ATF7IP: variants seen among roughly 807,000 people sequenced by gnomAD.
The protein encoded by ATF7IP is activating transcription factor 7-interacting protein 1.
ATF7IP carries 23 observed loss-of-function variants against 106.4 expected under a neutral mutation model. The observed-to-expected ratio is 0.22, with a 90% confidence interval of 0.16 to 0.31. The LOEUF (loss-of-function observed/expected upper bound fraction) is 0.31. Ranked by LOEUF, ATF7IP falls within the 10% of genes least tolerant of loss-of-function variation. The pLI is 1.00. For missense variants in ATF7IP, 1,334 were observed against 1,524.3 expected (o/e 0.88, Z 2.08); for synonymous variants, 542 against 539.0 (o/e 1.01, Z -0.08).
At chr12:14,410,591 TAATAA>T (rs914661549) in intron 1 of ATF7IP, among the ~76,000 whole-genome samples, 1 of 152,164 alleles carries the variant, frequency 6.6e-6, no homozygotes, top group East Asian at 1.9e-4. Context: ...ATTTTTGACT[TAATAA>T]AGGAAAGAAA....
intron 9 of ATF7IP, among the ~76,000 whole-genome samples, chr12:14,464,900 T>G (rs1325696470): frequency 2.6e-5 from 4 of 152,198 alleles, no homozygotes; most frequent in African/African-American, 9.6e-5. Flanking sequence ...GGAATTTTCT[T>G]ATATGAAAAT....
chr12:14,412,961 C>T (rs1941003438), intron 1 of ATF7IP, among the ~76,000 whole-genome samples: 1 of 152,232 alleles, frequency 6.6e-6, no homozygotes, highest in Non-Finnish European at 1.5e-5. Flanking sequence ...CTACAGTGAT[C>T]TGAGATTGTG....
At chr12:14,416,964 T>G in intron 1 of ATF7IP, 3 of 984,950 alleles carry the variant, frequency 3.0e-6, no homozygotes, top group Non-Finnish European at 3.6e-6. Context: ...TTTGAAAAAT[T>G]ACAAGGTTCA....
chr12:14,464,515 T>A (rs1041611932), intron 9 of ATF7IP, among the ~76,000 whole-genome samples: 1 of 152,246 alleles, frequency 6.6e-6, no homozygotes, highest in Non-Finnish European at 1.5e-5. Flanking sequence ...TTATTTGTAT[T>A]TTTATGGAGA....
At chr12:14,432,855 C>T (rs527781506) in intron 2 of ATF7IP, among the ~76,000 whole-genome samples, 10 of 152,034 alleles carry the variant, frequency 6.6e-5, no homozygotes, top group South Asian at 4.2e-4. Context: ...GTTGCAATGA[C>T]GTAAGGGGGA....
At chr12:14,392,084 T>A (rs1027992969) in intron 1 of ATF7IP, among the ~76,000 whole-genome samples, 1 of 152,188 alleles carries the variant, frequency 6.6e-6, no homozygotes, top group Non-Finnish European at 1.5e-5. Flanking sequence ...GTTTTTCTTG[T>A]TTTTAAAATG....
rs555832524 is a variant in ATF7IP, at chr12:14,457,945, T to C, written c.2158+650T>C. Among the ~76,000 whole-genome samples the C allele has an allele frequency of 3.3e-5, 5 of 151,732 alleles. No homozygotes were observed. The East Asian group carries it at 9.7e-4, about 29-fold the overall frequency. ...CCCCATCTCTACCAAAATACAAAAATTATCCAGGCATGATGGCTGGTGCCT... is the reference window on the plus strand; with the variant it reads ...CCCCATCTCTACCAAAATACAAAAACTATCCAGGCATGATGGCTGGTGCCT... On this transcript the variant is annotated intron_variant, in intron 8 of 14. Transcript: ENST00000261168.
At chr12:14,391,807 C>T (rs759466625) in intron 1 of ATF7IP, among the ~76,000 whole-genome samples, 31 of 152,176 alleles carry the variant, frequency 2.0e-4, no homozygotes, top group Middle Eastern at 3.2e-3. Flanking sequence ...CTTCAACCTC[C>T]GCCTCCCAGG....
At chr12:14,426,759 G>A (rs1194063699) in intron 2 of ATF7IP, among the ~76,000 whole-genome samples, 3 of 145,808 alleles carry the variant, frequency 2.1e-5, no homozygotes, top group Non-Finnish European at 4.5e-5. Flanking sequence ...CTGGGTGGTC[G>A]AGGCTGCAGT....
chr12:14,388,646 C>T (rs1939380786), intron 1 of ATF7IP, among the ~76,000 whole-genome samples: 1 of 152,014 alleles, frequency 6.6e-6, no homozygotes, highest in African/African-American at 2.4e-5. Flanking sequence ...TGCGCCCAGC[C>T]TTCTTTCTTT....
intron 10 of ATF7IP, among the ~76,000 whole-genome samples, chr12:14,473,199 C>T (rs1944118947): frequency 6.7e-6 from 1 of 148,906 alleles, no homozygotes; most frequent in Non-Finnish European, 1.5e-5. Flanking sequence ...TTTCTGTGTA[C>T]CTTCTTTCCT....
intron 1 of ATF7IP, among the ~76,000 whole-genome samples, chr12:14,396,004 C>T (rs887514904): frequency 4.6e-5 from 7 of 151,954 alleles, no homozygotes; most frequent in African/African-American, 1.7e-4. Flanking sequence ...TAATCTACTA[C>T]CATTGCTGTA....
rs377020921 is a variant in ATF7IP at position 14,435,607 on chromosome 12, G to C, written c.1646-499G>C. On this transcript the variant is annotated intron_variant, in intron 3 of 14. Coordinates refer to ENST00000261168, the MANE Select transcript of ATF7IP (RefSeq NM_018179.5). ...TTTATTTTTATTTGAAATTCATTAG[G>C]ATATGTTAAGAATAACTATTACTGT... Among the ~76,000 whole-genome samples the C allele has an allele frequency of 4.6e-5, 7 of 152,080 alleles. No homozygotes were observed. The East Asian group carries it at 7.7e-4, about 17-fold the overall frequency.
At chr12:14,383,696 G>A (rs1939091286) in intron 1 of ATF7IP, among the ~76,000 whole-genome samples, 1 of 152,114 alleles carries the variant, frequency 6.6e-6, no homozygotes, top group African/African-American at 2.4e-5. Flanking sequence ...GGAACTACAG[G>A]TTCATATTAC....
At chr12:14,384,758 C>A (rs1166253772) in intron 1 of ATF7IP, among the ~76,000 whole-genome samples, 1 of 151,492 alleles carries the variant, frequency 6.6e-6, no homozygotes, top group Non-Finnish European at 1.5e-5. Flanking sequence ...TGGAGAAAAT[C>A]TTTAGCCTTC....
chr12:14,445,442 G>C (rs1942914620), intron 5 of ATF7IP, among the ~76,000 whole-genome samples: 1 of 148,444 alleles, frequency 6.7e-6, no homozygotes, highest in African/African-American at 2.5e-5. Context: ...CGCCCACCTT[G>C]GCCTTCCAGA....
chr12:14,489,183 C>T (rs2136846856), intron 13 of ATF7IP, among the ~76,000 whole-genome samples: 1 of 152,262 alleles, frequency 6.6e-6, no homozygotes, highest in South Asian at 2.1e-4. Context: ...AATCACAGGG[C>T]ATGGTAATAC....
intron 1 of ATF7IP, among the ~76,000 whole-genome samples, chr12:14,387,618 C>T (rs1939310104): frequency 6.6e-6 from 1 of 152,116 alleles, no homozygotes. Flanking sequence ...CCTATGGTTA[C>T]TCAGGATATT....
chr12:14,424,877 G>T lies in ATF7IP; in HGVS notation c.962G>T (p.Gly321Val). Residue 321 changes from glycine (G) to valine (V), a missense_variant, in exon 2 of 15, where the codon GGA (glycine) becomes GTA (valine). By Grantham distance (109) the Gly-to-Val change is moderately radical. This residue lies in a region of ATF7IP where 438 missense variants were observed against 405.3 expected (regional missense o/e 1.08). Coordinates refer to ENST00000261168, the MANE Select transcript of ATF7IP (RefSeq NM_018179.5). ...GATGATGATTTTCTTGAAAAAAATG[G>T]AGCTGATGAAAAATTAGAGCAAATT... ...NKDDDFLEKN[G>V]ADEKLEQIQS... 6.2e-7 allele frequency: 1 copy of T among 1,610,312 alleles called. No individual in the cohort carries two copies.
Sources: allele counts gnomAD v4.1 joint callset (sites outside exome capture counted in the v4.1 genomes callset), GRCh38; gene constraint gnomAD v4.1.1; regional missense constraint gnomAD v4.1.1; transcripts MANE v1.5; gene names NCBI Gene and HGNC (gene_info 2026-07-23, HGNC 2026-07-21).